The following OPN5 variants were observed in gnomAD, a reference collection of about 807,000 sequenced individuals.
OPN5 encodes the protein opsin-5.
OPN5 carries 18 observed loss-of-function variants against 41.7 expected under a neutral mutation model. The ratio of observed to expected loss-of-function variants is 0.43; its 90% CI spans 0.30 to 0.64. OPN5 has a LOEUF of 0.64. OPN5 is among the 30% of genes least tolerant of loss of function. OPN5 has a pLI of 0.13. For missense variants in OPN5, 318 were observed against 434.5 expected (o/e 0.73, Z 2.38); for synonymous variants, 178 against 164.3 (o/e 1.08, Z -0.64).
chr6:47,809,751 T>C (rs1774118555), intron 5 of OPN5, among the ~76,000 whole-genome samples: 1 of 152,234 alleles, frequency 6.6e-6, no homozygotes, highest in Non-Finnish European at 1.5e-5. Flanking sequence ...ATTGAACAGT[T>C]AAATCCAAAT....
intron 4 of OPN5, among the ~76,000 whole-genome samples, chr6:47,806,323 G>T (rs992234814): frequency 6.6e-6 from 1 of 151,998 alleles, no homozygotes; most frequent in Admixed American, 6.5e-5. Flanking sequence ...CTCAATTAGG[G>T]CCTGAAATAG....
At chr6:47,808,245 T>C (rs1774051920) in exon 5 of OPN5, 2 of 1,613,954 alleles carry the variant, frequency 1.2e-6, no homozygotes, top group African/African-American at 2.7e-5. Flanking sequence ...CCAGACTCCA[T>C]TCCCATACAG....
intron 4 of OPN5, among the ~76,000 whole-genome samples, chr6:47,796,127 G>T (rs907034163): frequency 6.6e-6 from 1 of 152,098 alleles, no homozygotes; most frequent in African/African-American, 2.4e-5. Context: ...AGTTCTTTAG[G>T]TATTGTGGAG....
intron 4 of OPN5, among the ~76,000 whole-genome samples, chr6:47,798,540 T>A (rs1017465419): frequency 6.6e-6 from 1 of 151,138 alleles, no homozygotes; most frequent in Non-Finnish European, 1.5e-5. Context: ...CATATATATG[T>A]ATATTCTTTT....
chr6:47,811,635 T>A lies in OPN5; in HGVS notation c.999-39T>A, dbSNP rs374213121. The A allele has an allele frequency of 2.1e-5, 28 of 1,363,482 alleles. 1 individual carries two copies. The African/African-American group carries it at 3.0e-4, about 15-fold the overall frequency. The allele number at this position is 1,363,482 out of a possible 1,614,324, so 84.5% of individuals were successfully genotyped here. On this transcript the variant is annotated intron_variant, in intron 5 of 6. Transcript: ENST00000371211. ...ACATATGTATTTATGTGTGTGTATA[T>A]GTAGATATTAAATTGCATTTTTCTT...
chr6:47,796,660 T>C (rs1581736838), intron 4 of OPN5, among the ~76,000 whole-genome samples: 1 of 152,286 alleles, frequency 6.6e-6, no homozygotes, highest in East Asian at 1.9e-4. Flanking sequence ...CATGTTCACT[T>C]TGGAGACCAC....
At chr6:47,799,721 C>T (rs1773699885) in intron 4 of OPN5, among the ~76,000 whole-genome samples, 1 of 152,158 alleles carries the variant, frequency 6.6e-6, no homozygotes, top group South Asian at 2.1e-4. Context: ...TCCACCCTGA[C>T]CCCGGGCCTT....
intron 6 of OPN5, among the ~76,000 whole-genome samples, chr6:47,816,863 A>G (rs1387654735): frequency 6.6e-6 from 1 of 152,172 alleles, no homozygotes; most frequent in South Asian, 2.1e-4. Context: ...AACTATTGTT[A>G]TCATCACTAT....
exon 4 of OPN5, chr6:47,795,437 C>G: frequency 1.2e-6 from 2 of 1,614,120 alleles, no homozygotes; most frequent in Non-Finnish European, 1.7e-6. Flanking sequence ...GCCTCTTGCT[C>G]CCAACGGCTG....
intron 6 of OPN5, among the ~76,000 whole-genome samples, chr6:47,817,637 G>C (rs1369577547): frequency 2.0e-5 from 3 of 152,124 alleles, no homozygotes; most frequent in African/African-American, 7.2e-5. Context: ...AATTTAACAA[G>C]ATGACTTTCC....
intron 6 of OPN5, among the ~76,000 whole-genome samples, chr6:47,815,372 G>A (rs183951568): frequency 3.9e-5 from 6 of 152,188 alleles, no homozygotes; most frequent in African/African-American, 1.4e-4. Flanking sequence ...CATTAAGTTA[G>A]TGCAAATGAG....
chr6:47,790,065 GC>G (rs1216745492), intron 2 of OPN5, among the ~76,000 whole-genome samples: 1 of 152,076 alleles, frequency 6.6e-6, no homozygotes, highest in Non-Finnish European at 1.5e-5. Flanking sequence ...GTTGTAAACA[GC>G]TTGGACCTCA....
At chr6:47,808,895 G>A (rs909418704) in intron 5 of OPN5, among the ~76,000 whole-genome samples, 1 of 152,136 alleles carries the variant, frequency 6.6e-6, no homozygotes, top group African/African-American at 2.4e-5. Flanking sequence ...AAGAGTCTTG[G>A]GTTATTCTTT....
intron 5 of OPN5, among the ~76,000 whole-genome samples, chr6:47,809,048 T>C (rs960951981): frequency 1.3e-5 from 2 of 152,216 alleles, no homozygotes; most frequent in African/African-American, 2.4e-5. Flanking sequence ...TGGTTGATAC[T>C]GTTTGTGCTA....
At chr6:47,810,554 T>C (rs1417300757) in intron 5 of OPN5, among the ~76,000 whole-genome samples, 1 of 149,776 alleles carries the variant, frequency 6.7e-6, no homozygotes, top group African/African-American at 2.6e-5. Context: ...TATTCTTTTC[T>C]TTTCTGAGCC....
intron 4 of OPN5, 112 bp downstream of exon 4, chr6:47,795,675 G>A (rs900814027): frequency 1.7e-5 from 12 of 721,856 alleles, no homozygotes; most frequent in Admixed American, 1.0e-4. Flanking sequence ...TATTCTTTAC[G>A]TAATTCTGAA....
intron 6 of OPN5, among the ~76,000 whole-genome samples, chr6:47,813,113 C>CAACAAAAAAAAA (rs1341179581): frequency 1.4e-4 from 16 of 114,576 alleles, no homozygotes; most frequent in African/African-American, 4.0e-4. Context: ...ACAACAACAA[C>CAACAAAAAAAAA]AAGCAACAAC....
At chr6:47,797,308 C>T (rs1355038005) in intron 4 of OPN5, among the ~76,000 whole-genome samples, 3 of 152,220 alleles carry the variant, frequency 2.0e-5, no homozygotes, top group Non-Finnish European at 2.9e-5. Context: ...TAGAACAGTT[C>T]TTGGACAAAA....
At chr6:47,791,554 C>T (rs978866007) in intron 2 of OPN5, among the ~76,000 whole-genome samples, 1 of 152,184 alleles carries the variant, frequency 6.6e-6, no homozygotes, top group Non-Finnish European at 1.5e-5. Flanking sequence ...TTAAAGTTTT[C>T]CTTCTATATC....
Sources: allele counts gnomAD v4.1 joint callset (sites outside exome capture counted in the v4.1 genomes callset), GRCh38; gene constraint gnomAD v4.1.1; transcripts MANE v1.5; gene names NCBI Gene and HGNC (gene_info 2026-07-23, HGNC 2026-07-21).